The following CTNNB1 variants were observed in gnomAD, a reference collection of about 807,000 sequenced individuals.
CTNNB1 encodes catenin beta-1.
In CTNNB1, 6 loss-of-function variants were observed where a neutral mutation model predicts 82.5. That is an observed-to-expected ratio of 0.07 (90% CI 0.04 to 0.14). The LOEUF (loss-of-function observed/expected upper bound fraction) is 0.14. Among genes scored for constraint, CTNNB1 ranks in the 10% least tolerant of loss-of-function variants. The probability of loss-of-function intolerance (pLI) is 1.00; values close to 1 mark genes in which losing one functional copy is unlikely to be tolerated. For synonymous variants in CTNNB1, 312 were observed against 329.7 expected, an observed-to-expected ratio of 0.95 and a Z score of 0.58; for missense variants, 529 against 980.4, an observed-to-expected ratio of 0.54 and a Z score of 6.15.
In CTNNB1 at chr3:41,239,374, C is replaced by T. The variant is rs116875446; in HGVS notation, c.*32C>T. 1.3e-5 allele frequency: 21 copies of T among 1,588,670 alleles called. No individual in the cohort carries two copies. Among genetic ancestry groups the T allele is most frequent in the East Asian group, 6.8e-5 (3 of 44,330 alleles). On this transcript the variant is annotated 3_prime_UTR_variant, in exon 15 of 15. Coordinates refer to ENST00000349496, the MANE Select transcript of CTNNB1 (RefSeq NM_001904.4). ...CTTTAGGTAAGAAGTTTTAAAAAGC[C>T]AGTTTGGGTAAAATACTTTTACTCT...
At chr3:41,234,421 GTAAA>G (rs2078384517) in intron 10 of CTNNB1, 124 bp downstream of exon 10, 17 of 916,890 alleles carry the variant, frequency 1.9e-5, no homozygotes, top group South Asian at 5.6e-5. Flanking sequence ...TAATGACAAA[GTAAA>G]TAAATAAATA....
intron 1 of CTNNB1, among the ~76,000 whole-genome samples, chr3:41,203,977 C>T (rs1305045438): frequency 6.6e-6 from 1 of 151,980 alleles, no homozygotes; most frequent in African/African-American, 2.4e-5. Flanking sequence ...AGCGTAGGGA[C>T]GGAAAATGAC....
chr3:41,215,524 A>ATT (rs1165693275), intron 1 of CTNNB1, among the ~76,000 whole-genome samples: 1 of 151,810 alleles, frequency 6.6e-6, no homozygotes, highest in Non-Finnish European at 1.5e-5. Flanking sequence ...TTCATCAGGT[A>ATT]TTTAAGAGCT....
At chr3:41,209,222 G>T (rs1322371439) in intron 1 of CTNNB1, among the ~76,000 whole-genome samples, 3 of 151,848 alleles carry the variant, frequency 2.0e-5, no homozygotes, top group Non-Finnish European at 4.4e-5. Flanking sequence ...TTTTTTTGTT[G>T]TGCATATTTA....
At chr3:41,230,150 C>A (rs1173693755) in intron 7 of CTNNB1, among the ~76,000 whole-genome samples, 2 of 152,112 alleles carry the variant, frequency 1.3e-5, no homozygotes, top group African/African-American at 2.4e-5. Context: ...TATGATTGCT[C>A]CAGGTAACTA....
intron 7 of CTNNB1, 66 bp downstream of exon 7, chr3:41,227,418 T>C: frequency 1.3e-6 from 2 of 1,547,892 alleles, no homozygotes; most frequent in South Asian, 1.1e-5. Flanking sequence ...ATTACTTTTC[T>C]TAGGAAAAGG....
rs1482772788 is a variant in CTNNB1 at position 41,238,178 on chromosome 3, A to AAAAGT, written c.2137+104_2137+108dup. 49 of 991,474 alleles carry AAAAGT rather than the reference A, an allele frequency of 4.9e-5. No homozygotes were observed. In the South Asian group the frequency reaches 5.1e-4, roughly 10 times the overall value. 61.4% of individuals were successfully genotyped at this position (991,474 alleles called of 1,614,324 possible). On this transcript the variant is annotated intron_variant, in intron 14 of 14. Coordinates refer to ENST00000349496, the MANE Select transcript of CTNNB1 (RefSeq NM_001904.4). ...TCATCTGGGAAACCAGTGTTGGCAGAAAAGTAGTGGCTTCAATTAAAAGCA... is the reference window on the plus strand; with the variant it reads ...TCATCTGGGAAACCAGTGTTGGCAGAAAAGTAAAGTAGTGGCTTCAATTAAAAGCA...
intron 1 of CTNNB1, among the ~76,000 whole-genome samples, chr3:41,210,208 C>A (rs922079695): frequency 1.3e-5 from 2 of 152,076 alleles, no homozygotes; most frequent in African/African-American, 2.4e-5. Flanking sequence ...AATCCCAGCA[C>A]TTTGGGAGGC....
At position 41,225,546 on chromosome 3, in the gene CTNNB1, C is replaced by T. The variant is rs2125623444; in HGVS notation, c.708C>T (p.Gly236=). ...EGLLAIFKSG[G]IPALVKMLGS... is the part of the protein sequence containing the mutation. ...TACTGGCCATCTTTAAGTCTGGAGG[C>T]ATTCCTGCCCTGGTGAAAATGCTTG... Residue 236 remains glycine (G), a synonymous_variant, in exon 5 of 15, where the codon GGC becomes GGT. Transcript: ENST00000349496. The surrounding 1 kb of genome is among the most constrained non-coding windows in gnomAD (Gnocchi z 5.3). 6.2e-7 allele frequency: 1 copy of T among 1,614,144 alleles called. No individual in the cohort carries two copies. Among genetic ancestry groups the T allele is most frequent in the Non-Finnish European group, 8.5e-7 (1 of 1,180,000 alleles).
chr3:41,233,329 T>G lies in CTNNB1; in HGVS notation c.1082-12T>G, dbSNP rs184388106. On this transcript the variant is annotated splice_polypyrimidine_tract_variant and intron_variant, in intron 7 of 14. Transcript: ENST00000349496. ...TAATGACTAGGGCCTTATATCCTTT[T>G]TAATTTTCTAGGTGGAATGCAAGCT... 2.5e-6 allele frequency: 4 copies of G among 1,613,524 alleles called. No homozygotes were observed. In the African/African-American group the frequency reaches 5.3e-5, roughly 22 times the overall value.
In CTNNB1 at chr3:41,239,840, T is replaced by TTGGGAGTGACTC. The variant is rs2078532307; in HGVS notation, c.*499_*510dup. On this transcript the variant is annotated 3_prime_UTR_variant, in exon 15 of 15. Transcript: ENST00000349496. ...CGAGGAGTAACAATACAAATGGATTTTGGGAGTGACTCAAGAAGTGAAGAA... is the reference window on the plus strand; with the variant it reads ...CGAGGAGTAACAATACAAATGGATTTTGGGAGTGACTCTGGGAGTGACTCAAGAAGTGAAGAA... 3.9e-6 allele frequency: 1 copy of TTGGGAGTGACTC among 257,122 alleles called. No individual in the cohort carries two copies. The highest frequency in any genetic ancestry group is 2.2e-5 in the African/African-American group (1 of 45,512). The allele number at this position is 257,122 out of a possible 1,614,324, so 15.9% of individuals were successfully genotyped here.
At chr3:41,208,109 A>G (rs1325895739) in intron 1 of CTNNB1, among the ~76,000 whole-genome samples, 1 of 152,108 alleles carries the variant, frequency 6.6e-6, no homozygotes, top group Non-Finnish European at 1.5e-5. Context: ...TATTTCTGTC[A>G]TAATTCTTGG....
intron 7 of CTNNB1, among the ~76,000 whole-genome samples, chr3:41,229,323 T>G (rs1271667577): frequency 6.6e-6 from 1 of 152,332 alleles, no homozygotes; most frequent in African/African-American, 2.4e-5. Flanking sequence ...CAATATTGAT[T>G]CTTCCTGCCA....
At chr3:41,235,135 T>G (rs916592649) in intron 10 of CTNNB1, 2 of 154,446 alleles carry the variant, frequency 1.3e-5, no homozygotes, top group African/African-American at 4.8e-5. Flanking sequence ...AGCTGCTAAA[T>G]GTAGCAGAAT....
chr3:41,230,878 A>G (rs889671507), intron 7 of CTNNB1, among the ~76,000 whole-genome samples: 1 of 152,232 alleles, frequency 6.6e-6, no homozygotes, highest in Admixed American at 6.5e-5. Context: ...GCTACACACC[A>G]AATACACTAA....
At chr3:41,209,535 C>G (rs1291625611) in intron 1 of CTNNB1, among the ~76,000 whole-genome samples, 1 of 152,136 alleles carries the variant, frequency 6.6e-6, no homozygotes, top group Non-Finnish European at 1.5e-5. Context: ...AGAATAAAGT[C>G]ACGTGTCATT....
chr3:41,211,013 G>T, intron 1 of CTNNB1: 1 of 456,334 alleles, frequency 2.2e-6, no homozygotes, highest in Non-Finnish European at 4.4e-6. Flanking sequence ...GGCTGGCCTT[G>T]AATTCCTGGC....
intron 1 of CTNNB1, among the ~76,000 whole-genome samples, chr3:41,216,137 C>A (rs1376679248): frequency 6.6e-6 from 1 of 152,154 alleles, no homozygotes; most frequent in Non-Finnish European, 1.5e-5. Flanking sequence ...TACTGCTAAT[C>A]AGTTTTCTTG....
intron 1 of CTNNB1, among the ~76,000 whole-genome samples, chr3:41,203,446 C>T (rs2077580580): frequency 6.6e-6 from 1 of 151,858 alleles, no homozygotes; most frequent in Non-Finnish European, 1.5e-5. Context: ...AATGATAAAC[C>T]AGAATCTCAG....
Sources: gnomAD v4.1 joint callset for allele counts (sites outside exome capture counted in the v4.1 genomes callset) on GRCh38, gnomAD v4.1.1 for gene constraint, Gnocchi (gnomAD v3.1) non-coding constraint, MANE v1.5 for transcripts, NCBI Gene and HGNC (gene_info 2026-07-23, HGNC 2026-07-21) for gene names.